The following HS6ST2 variants were observed in gnomAD, a reference collection of about 807,000 sequenced individuals.
HS6ST2 encodes heparan sulfate 6-O-sulfotransferase 2.
Under a neutral mutation model 33.0 loss-of-function variants are expected in HS6ST2, and 17 were observed. The observed-to-expected ratio is 0.52, with a 90% confidence interval of 0.35 to 0.77. HS6ST2 has a LOEUF of 0.77. Among genes scored for constraint, HS6ST2 ranks in the 30% least tolerant of loss-of-function variants. The pLI is 0.01. For missense variants in HS6ST2, 519 were observed against 551.7 expected, an observed-to-expected ratio of 0.94 and a Z score of 0.59; for synonymous variants, 248 against 237.1, an observed-to-expected ratio of 1.05 and a Z score of -0.42.
intron 2 of HS6ST2, among the ~76,000 whole-genome samples, chrX:132,770,403 C>T (rs1316431144): frequency 8.9e-6 from 1 of 111,769 alleles, no homozygotes; most frequent in Admixed American, 9.5e-5. Context: ...CTCATAGCAC[C>T]TAACTCAAGC....
At chrX:132,889,893 A>G (rs1377526855) in intron 2 of HS6ST2, among the ~76,000 whole-genome samples, 2 of 112,019 alleles carry the variant, frequency 1.8e-5, no homozygotes, top group Non-Finnish European at 3.8e-5. Flanking sequence ...AAACTATACT[A>G]CAAGGCTACA....
chrX:132,738,421 G>A (rs940453993), intron 2 of HS6ST2, among the ~76,000 whole-genome samples: 4 of 112,339 alleles, frequency 3.6e-5, no homozygotes, highest in African/African-American at 1.3e-4. Context: ...TTCCCAAGGC[G>A]GGATGCAGAG....
Position 132,638,277 on chromosome X carries a change from A to G in HS6ST2, c.1068-9184T>C, listed in dbSNP as rs758260704. The stretch of plus-strand genomic sequence containing the variant: ...AAGTATGGTAAATTGAATCAAAGGC[A>G]AACATGCTTCTGATGGAGCTGGACC... On this transcript the variant is annotated intron_variant, in intron 4 of 4. Transcript: ENST00000370833. 3.6e-5 allele frequency among the ~76,000 whole-genome samples: 4 copies of G among 110,472 alleles called. No individual in the cohort carries two copies. In the East Asian group the frequency reaches 8.6e-4, roughly 24 times the overall value.
chrX:132,666,360 T>C (rs959450505), intron 4 of HS6ST2, among the ~76,000 whole-genome samples: 1 of 111,792 alleles, frequency 8.9e-6, no homozygotes, highest in African/African-American at 3.3e-5. Flanking sequence ...GTATTTTATA[T>C]TTATATGGCC....
intron 4 of HS6ST2, among the ~76,000 whole-genome samples, chrX:132,638,753 T>C (rs1249871268): frequency 8.9e-6 from 1 of 111,930 alleles, no homozygotes; most frequent in Admixed American, 9.5e-5. Flanking sequence ...GGGAGCACAG[T>C]GATCCATGAG....
chrX:132,921,001 T>C (rs2066646154), intron 2 of HS6ST2, among the ~76,000 whole-genome samples: 1 of 112,632 alleles, frequency 8.9e-6, no homozygotes, highest in South Asian at 3.7e-4. Context: ...AGAGATATCA[T>C]CTTGGCTGCA....
chrX:132,833,068 T>C (rs1027016896), intron 2 of HS6ST2, among the ~76,000 whole-genome samples: 1 of 111,994 alleles, frequency 8.9e-6, no homozygotes, highest in Non-Finnish European at 1.9e-5. Flanking sequence ...ATACTATATA[T>C]TTTTATCCTT....
chrX:132,854,935 T>G (rs2148411340), intron 2 of HS6ST2, among the ~76,000 whole-genome samples: 1 of 112,501 alleles, frequency 8.9e-6, no homozygotes, highest in Admixed American at 9.4e-5. Flanking sequence ...CCGTCTGGCC[T>G]TTTGATAATT....
At chrX:132,799,339 A>G (rs1241794554) in intron 2 of HS6ST2, among the ~76,000 whole-genome samples, 1 of 106,681 alleles carries the variant, frequency 9.4e-6, no homozygotes, top group Non-Finnish European at 1.9e-5. Flanking sequence ...TTTAGTGTCA[A>G]TTTCCCCATA....
chrX:132,933,236 G>A (rs1230061842), intron 2 of HS6ST2, among the ~76,000 whole-genome samples: 1 of 110,175 alleles, frequency 9.1e-6, no homozygotes, highest in Admixed American at 9.8e-5. Context: ...GCTGAGGTGG[G>A]AGAACTGCTT....
intron 2 of HS6ST2, among the ~76,000 whole-genome samples, chrX:132,790,832 G>A (rs1204948437): frequency 8.9e-6 from 1 of 112,056 alleles, no homozygotes; most frequent in African/African-American, 3.2e-5. Context: ...CTTACATGTT[G>A]GTGAAATAAT....
intron 4 of HS6ST2, among the ~76,000 whole-genome samples, chrX:132,643,267 G>C (rs1028958959): frequency 9.0e-6 from 1 of 110,585 alleles, no homozygotes; most frequent in Non-Finnish European, 1.9e-5. Context: ...TTCACTGAAA[G>C]TGGGTGAGGC....
At chrX:132,770,939 T>C (rs2064892711) in intron 2 of HS6ST2, among the ~76,000 whole-genome samples, 1 of 111,569 alleles carries the variant, frequency 9.0e-6, no homozygotes, top group Admixed American at 9.6e-5. Context: ...AAATAGTAAA[T>C]TCTAGTAGAT....
At chrX:132,635,025 A>G (rs2063543017) in intron 4 of HS6ST2, among the ~76,000 whole-genome samples, 1 of 111,824 alleles carries the variant, frequency 8.9e-6, no homozygotes, top group Admixed American at 9.5e-5. Flanking sequence ...ACTTCATGTA[A>G]CTTGTTGCTT....
intron 2 of HS6ST2, among the ~76,000 whole-genome samples, chrX:132,837,477 T>C (rs1349799320): frequency 9.0e-6 from 1 of 111,559 alleles, no homozygotes; most frequent in Non-Finnish European, 1.9e-5. Context: ...CTGGCCCCAC[T>C]GGCCACAGTT....
At chrX:132,667,490 C>T (rs2063817899) in intron 4 of HS6ST2, among the ~76,000 whole-genome samples, 1 of 111,821 alleles carries the variant, frequency 8.9e-6, no homozygotes, top group South Asian at 3.8e-4. Context: ...CTGTTGAAAA[C>T]CTGGGTATGG....
intron 2 of HS6ST2, among the ~76,000 whole-genome samples, chrX:132,863,593 G>A (rs950885895): frequency 3.7e-5 from 4 of 109,109 alleles, no homozygotes; most frequent in Admixed American, 9.8e-5. Context: ...CAAACTGCTC[G>A]GATTATAGGC....
chrX:132,946,416 T>C (rs1375527586), intron 2 of HS6ST2, among the ~76,000 whole-genome samples: 2 of 112,212 alleles, frequency 1.8e-5, no homozygotes, highest in Non-Finnish European at 3.8e-5. Flanking sequence ...GGCACATATA[T>C]GCCATGGAAT....
chrX:132,901,403 C>T (rs1199962426), intron 2 of HS6ST2, among the ~76,000 whole-genome samples: 1 of 111,287 alleles, frequency 9.0e-6, no homozygotes, highest in African/African-American at 3.3e-5. Context: ...CCAGGAAAAA[C>T]ACAAAATAAA....
Sources: allele counts gnomAD v4.1 joint callset (sites outside exome capture counted in the v4.1 genomes callset), GRCh38; gene constraint gnomAD v4.1.1; transcripts MANE v1.5; gene names NCBI Gene and HGNC (gene_info 2026-07-23, HGNC 2026-07-21).